Variants in DYDC1 observed in about 807,000 individuals in gnomAD.
The protein encoded by DYDC1 is DPY30 domain containing 1.
A neutral mutation model predicts 27.9 loss-of-function variants in DYDC1; 21 were observed. The ratio of observed to expected loss-of-function variants is 0.75; its 90% CI spans 0.53 to 1.08. The LOEUF (loss-of-function observed/expected upper bound fraction) is 1.08, where lower values mean the gene tolerates loss of function less well. Among genes scored for constraint, DYDC1 ranks in the 50% least tolerant of loss-of-function variants. The probability of loss-of-function intolerance (pLI) is 0.00; values close to 1 mark genes in which losing one functional copy is unlikely to be tolerated. For missense variants in DYDC1, 202 were observed against 205.9 expected (o/e 0.98, Z 0.12); for synonymous variants, 67 against 65.8 (o/e 1.02, Z -0.09).
At chr10:80,346,444 C>CTTTT (rs1032729095) in intron 3 of DYDC1, among the ~76,000 whole-genome samples, 4,108 of 83,210 alleles carry the variant, frequency 0.049, 348 homozygotes, top group South Asian at 0.11. Context: ...TCTTCCCTTT[C>CTTTT]TTTTTTTTTT....
At chr10:80,355,668 T>C (rs1843319822) in intron 1 of DYDC1, among the ~76,000 whole-genome samples, 1 of 152,168 alleles carries the variant, frequency 6.6e-6, no homozygotes, top group South Asian at 2.1e-4. Flanking sequence ...GAGAGTGATC[T>C]CTAAGACACA....
intron 5 of DYDC1, 130 bp downstream of exon 5, chr10:80,338,967 A>G: frequency 1.9e-6 from 1 of 516,936 alleles, no homozygotes; most frequent in Non-Finnish European, 3.4e-6. Flanking sequence ...ATCACCGGAA[A>G]ATATACATGG....
chr10:80,352,569 C>T lies in DYDC1; in HGVS notation c.33G>A (p.Gly11=). 2 of 1,611,666 alleles carry T rather than the reference C, an allele frequency of 1.2e-6. No homozygotes were observed. The highest frequency in any genetic ancestry group is 1.7e-6 in the Non-Finnish European group (2 of 1,179,328). Residue 11 remains glycine, a synonymous_variant, in exon 2 of 7, where the codon GGG becomes GGA. Transcript: ENST00000372202. MESIYLQKHL[G]ACLTQGLAEV... ...CTGCAAGACCTTGAGTTAAACAGGC[C>T]CCAAGGTGCTTTTGAAGATATATTG...
At position 80,352,623 on chromosome 10, in the gene DYDC1, T is replaced by C. The variant is rs764919981; in HGVS notation, c.-9-13A>G. The C allele has an allele frequency of 1.3e-6, 2 of 1,592,566 alleles. No individual in the cohort carries two copies. Among genetic ancestry groups the C allele is most frequent in the Non-Finnish European group, 1.7e-6 (2 of 1,173,450 alleles). ...CCATTTCTAACTCCTAAAAAGTAAG[T>C]GTTTTTGCATTACTGCAGGATATTT... is the stretch of plus-strand genomic sequence containing the variant. On this transcript the variant is annotated splice_polypyrimidine_tract_variant and intron_variant, in intron 1 of 6. Transcript: ENST00000372202.
At chr10:80,353,297 G>T (rs996274207) in intron 1 of DYDC1, among the ~76,000 whole-genome samples, 2 of 151,756 alleles carry the variant, frequency 1.3e-5, no homozygotes, top group African/African-American at 4.8e-5. Flanking sequence ...AGCACACCCT[G>T]GGCTCTAATT....
intron 6 of DYDC1, chr10:80,337,997 G>C (rs1842188892): frequency 1.2e-6 from 1 of 809,450 alleles, no homozygotes; most frequent in East Asian, 2.0e-4. Flanking sequence ...AACTCCATAA[G>C]GTCAAAGCCA....
intron 4 of DYDC1, among the ~76,000 whole-genome samples, chr10:80,339,901 T>C (rs1414902566): frequency 2.0e-5 from 3 of 152,314 alleles, no homozygotes; most frequent in African/African-American, 7.2e-5. Flanking sequence ...CACAAGGCTA[T>C]ATGGGGAACA....
intron 6 of DYDC1, among the ~76,000 whole-genome samples, chr10:80,337,676 A>C (rs993089642): frequency 6.6e-6 from 1 of 151,972 alleles, no homozygotes; most frequent in Non-Finnish European, 1.5e-5. Flanking sequence ...ACGCTCTCCT[A>C]TCTGGGTCTT....
At chr10:80,351,767 T>C in intron 3 of DYDC1, 134 bp downstream of exon 3, 1 of 762,800 alleles carries the variant, frequency 1.3e-6, no homozygotes, top group Non-Finnish European at 2.1e-6. Flanking sequence ...GACACACACA[T>C]CCATAAAGAT....
chr10:80,338,865 A>C (rs1309393224), intron 5 of DYDC1, among the ~76,000 whole-genome samples: 2 of 152,178 alleles, frequency 1.3e-5, no homozygotes, highest in South Asian at 2.1e-4. Context: ...ATCTCAAGAG[A>C]GCCTAGTTTT....
Position 80,342,463 on chromosome 10 carries a change from C to T in DYDC1, c.250-102G>A, listed in dbSNP as rs1842368065. 6 of 1,035,800 alleles carry T rather than the reference C, an allele frequency of 5.8e-6. No individual in the cohort carries two copies. The South Asian group carries it at 1.0e-4, about 18-fold the overall frequency. 64.2% of individuals were successfully genotyped at this position (1,035,800 alleles called of 1,614,324 possible). ...GAAACTTACAATACATGGTCACATC[C>T]AACTAATACTTTAGTTTCTACAAAT... On this transcript the variant is annotated intron_variant, in intron 3 of 6. Transcript: ENST00000372202.
At chr10:80,340,118 C>T (rs1842268935) in intron 4 of DYDC1, among the ~76,000 whole-genome samples, 1 of 152,164 alleles carries the variant, frequency 6.6e-6, no homozygotes, top group Non-Finnish European at 1.5e-5. Context: ...CAAAGCAGCC[C>T]ATAGTGAAAG....
chr10:80,347,314 G>GTTTTTTTTTTTTTTTTTT (rs1842726421), intron 3 of DYDC1, among the ~76,000 whole-genome samples: 1 of 33,256 alleles, frequency 3.0e-5, no homozygotes, highest in African/African-American at 1.2e-4. Flanking sequence ...TTGCTATTGA[G>GTTTTTTTTTTTTTTTTTT]TTTGCATTCC....
At chr10:80,342,135 T>C in intron 4 of DYDC1, 134 bp downstream of exon 4, 4 of 769,874 alleles carry the variant, frequency 5.2e-6, no homozygotes, top group Non-Finnish European at 8.2e-6. Context: ...GAGACTTGTT[T>C]AGCTTACACA....
In DYDC1 at chr10:80,356,442, C is replaced by T. The variant is rs1315008649; in HGVS notation, c.-10+270G>A. ...CCAGATACAGTATTGTATCTGGCAA[C>T]CTCCCGGGGCGCTCAGTGTGGTTTT... is the stretch of plus-strand genomic sequence containing the variant. On this transcript the variant is annotated intron_variant, in intron 1 of 6. Transcript: ENST00000372202. 5 of 985,198 alleles carry T rather than the reference C, an allele frequency of 5.1e-6. No individual in the cohort carries two copies. In the East Asian group the frequency reaches 4.5e-4, roughly 90 times the overall value. The allele number at this position is 985,198 out of a possible 1,614,324, so 61.0% of individuals were successfully genotyped here. A position where few individuals can be genotyped will look rare whatever the true frequency, so the allele number is the denominator to read the frequency against.
Position 80,342,381 on chromosome 10 carries a change from T to C in DYDC1, c.250-20A>G. ...CTGTTGCTGAATATTCAGAAATATG[T>C]CATATTACAGTTAGATTAATTGCAA... On this transcript the variant is annotated intron_variant, in intron 3 of 6. Transcript: ENST00000372202. 3.7e-6 allele frequency: 6 copies of C among 1,609,290 alleles called. No homozygotes were observed. The South Asian group carries it at 5.5e-5, about 15-fold the overall frequency.
intron 3 of DYDC1, among the ~76,000 whole-genome samples, chr10:80,351,193 C>T (rs1021060940): frequency 6.6e-6 from 1 of 152,170 alleles, no homozygotes; most frequent in Non-Finnish European, 1.5e-5. Context: ...ATAAAGAAGA[C>T]AGAAACAGTT....
intron 3 of DYDC1, among the ~76,000 whole-genome samples, chr10:80,348,898 C>T (rs911254278): frequency 2.0e-5 from 3 of 148,680 alleles, no homozygotes; most frequent in African/African-American, 7.4e-5. Context: ...AGCAGATAAA[C>T]TTTTTTTTTT....
chr10:80,336,085 A>G, downstream of DYDC1: 1 of 1,053,446 alleles, frequency 9.5e-7, no homozygotes, highest in South Asian at 1.4e-5. Context: ...GGAAAAAAAT[A>G]CAAATTGGGA....
Sources: allele counts gnomAD v4.1 joint callset (sites outside exome capture counted in the v4.1 genomes callset), GRCh38; gene constraint gnomAD v4.1.1; transcripts MANE v1.5; gene names NCBI Gene and HGNC (gene_info 2026-07-23, HGNC 2026-07-21).